DDHD1: variants seen among roughly 807,000 people sequenced by gnomAD.
DDHD1 encodes phospholipase DDHD1.
Under a neutral mutation model 96.4 loss-of-function variants are expected in DDHD1, and 49 were observed. The observed-to-expected ratio is 0.51, with a 90% CI of 0.40 to 0.64. The LOEUF is 0.64. Among genes scored for constraint, DDHD1 ranks in the 30% least tolerant of loss-of-function variants. The pLI, the probability that DDHD1 is intolerant of heterozygous loss-of-function variation, is 0.00. For missense variants in DDHD1, 1,106 were observed against 1,161.2 expected (o/e 0.95, Z 0.69); for synonymous variants, 442 against 446.5 (o/e 0.99, Z 0.13).
At chr14:53,109,078 C>T (rs752276072) in intron 1 of DDHD1, among the ~76,000 whole-genome samples, 6 of 152,118 alleles carry the variant, frequency 3.9e-5, no homozygotes, top group Admixed American at 2.6e-4. Context: ...CTATAATGGA[C>T]GGTGTTACGG....
chr14:53,045,911 C>G lies in DDHD1; in HGVS notation c.*857G>C, dbSNP rs183552532. On this transcript the variant is annotated 3_prime_UTR_variant, in exon 13 of 13. Coordinates refer to ENST00000673822, the MANE Select transcript of DDHD1 (RefSeq NM_001160148.2). ...AGCATTTACTAGTTTTCTAATAAAG[C>G]TAATGAAATGTACCCATTATGGAGT... 5.3e-5 allele frequency: 8 copies of G among 152,220 alleles called. No individual in the cohort carries two copies. The East Asian group carries it at 1.5e-3, about 29-fold the overall frequency. The allele number at this position is 152,220 out of a possible 1,614,324, so 9.4% of individuals were successfully genotyped here.
intron 1 of DDHD1, among the ~76,000 whole-genome samples, chr14:53,106,612 A>C (rs999577712): frequency 3.9e-5 from 6 of 152,234 alleles, no homozygotes; most frequent in Admixed American, 3.9e-4. Flanking sequence ...AGCCAAGATC[A>C]TGCCCCTGCA....
intron 1 of DDHD1, among the ~76,000 whole-genome samples, chr14:53,135,269 A>G (rs1016576402): frequency 2.0e-5 from 3 of 151,970 alleles, no homozygotes; most frequent in Non-Finnish European, 2.9e-5. Context: ...TGATCAATTG[A>G]CCTTATGACA....
chr14:53,131,909 A>C (rs1365457973), intron 1 of DDHD1, among the ~76,000 whole-genome samples: 1 of 152,110 alleles, frequency 6.6e-6, no homozygotes, highest in Non-Finnish European at 1.5e-5. Context: ...TCATGAAAAC[A>C]TGCATGCTCT....
In DDHD1 at chr14:53,103,801, C is replaced by T. The variant is rs1441856813; in HGVS notation, c.894G>A (p.Gln298=). 6.2e-7 allele frequency: 1 copy of T among 1,612,886 alleles called. No homozygotes were observed. Among genetic ancestry groups the T allele is most frequent in the Non-Finnish European group, 8.5e-7 (1 of 1,179,608 alleles). Residue 298 remains glutamine, a synonymous_variant, in exon 2 of 13, where the codon CAG becomes CAA. Transcript: ENST00000673822. ...RGQWFIDGTW[Q]PLEEEESNLI... ...AATTACTTTCTTCCTCTTCTAGAGG[C>T]TGCCAAGTGCCGTCAATAAACCACT...
Position 53,091,831 on chromosome 14 carries a change from T to C in DDHD1, c.1243A>G (p.Ile415Val). 1 of 1,613,800 alleles carries C rather than the reference T, an allele frequency of 6.2e-7. No homozygotes were observed. Among genetic ancestry groups the C allele is most frequent in the Non-Finnish European group, 8.5e-7 (1 of 1,179,850 alleles). The change falls in exon 4 of 13, where the codon ATT (isoleucine) becomes GTT (valine). Residue 415 changes from isoleucine to valine, a missense_variant. Ile to Val is a conservative substitution (Grantham distance 29). This residue lies in a region of DDHD1 where 650 missense variants were observed against 758.8 expected (regional missense o/e 0.86). Transcript: ENST00000673822. ...TTHIVFVVHG[I>V]GQKMDQGRII... ...CTTCCTTGGTCCATTTTCTGCCCAATGCCATGCACAACAAATACAATATGG... is the reference window on the plus strand; with the variant it reads ...CTTCCTTGGTCCATTTTCTGCCCAACGCCATGCACAACAAATACAATATGG...
chr14:53,153,139 C>G lies in DDHD1; in HGVS notation c.-41G>C, dbSNP rs1891593439. The G allele has an allele frequency of 7.4e-7, 1 of 1,353,528 alleles. No homozygotes were observed. Among genetic ancestry groups the G allele is most frequent in the Non-Finnish European group, 9.4e-7 (1 of 1,058,424 alleles). The allele number at this position is 1,353,528 out of a possible 1,614,324, so 83.8% of individuals were successfully genotyped here. On this transcript the variant is annotated 5_prime_UTR_variant, in exon 1 of 13. Transcript: ENST00000673822. ...CCGGCTGTCCGGCGGCGCGCGGAGC[C>G]GTGACCCCCAGCGCTTCCGCCACAC...
At chr14:53,070,547 A>T (rs1181076587) in intron 6 of DDHD1, among the ~76,000 whole-genome samples, 2 of 152,294 alleles carry the variant, frequency 1.3e-5, no homozygotes, top group African/African-American at 4.8e-5. Context: ...ATGGAATAGA[A>T]CTGTTTTTTC....
At chr14:53,122,027 CTG>C (rs1889034619) in intron 1 of DDHD1, among the ~76,000 whole-genome samples, 1 of 152,002 alleles carries the variant, frequency 6.6e-6, no homozygotes, top group African/African-American at 2.4e-5. Flanking sequence ...GAGCTGAACT[CTG>C]TAAATAGTTC....
rs1881977508 is a variant in DDHD1, at chr14:53,045,956, G to C, written c.*812C>G. 6.6e-6 allele frequency: 1 copy of C among 152,080 alleles called. No individual in the cohort carries two copies. Among genetic ancestry groups the C allele is most frequent in the Non-Finnish European group, 1.5e-5 (1 of 68,000 alleles). The allele number at this position is 152,080 out of a possible 1,614,324, so 9.4% of individuals were successfully genotyped here. A position where few individuals can be genotyped will look rare whatever the true frequency, so the allele number is the denominator to read the frequency against. ...TGGAGTACTCCGTGTCAAGTTTAGA[G>C]AAACTTTAGCTTTCTCTGAAGTACA... On this transcript the variant is annotated 3_prime_UTR_variant, in exon 13 of 13. Coordinates refer to ENST00000673822, the MANE Select transcript of DDHD1 (RefSeq NM_001160148.2).
At chr14:53,109,870 C>T (rs927108558) in intron 1 of DDHD1, among the ~76,000 whole-genome samples, 5 of 152,186 alleles carry the variant, frequency 3.3e-5, no homozygotes, top group African/African-American at 1.2e-4. Flanking sequence ...CTTTCTACTA[C>T]ATAATACAAC....
chr14:53,058,648 AAAGT>A, intron 8 of DDHD1, 22 bp from the exon 9 acceptor site: 1 of 1,572,424 alleles, frequency 6.4e-7, no homozygotes, highest in Non-Finnish European at 8.6e-7. Flanking sequence ...AAGTCATCTT[AAAGT>A]TTAAAAATGG....
At position 53,105,604 on chromosome 14, in the gene DDHD1, C is replaced by T. The variant is rs182043522; in HGVS notation, c.839-1748G>A. ...TACTTTGTTCAGCAAAATGGAAACT[C>T]CTGATTTCTTATTTTTTCCATTTGC... On this transcript the variant is annotated intron_variant, in intron 1 of 12. Coordinates refer to ENST00000673822, the MANE Select transcript of DDHD1 (RefSeq NM_001160148.2). Among the ~76,000 whole-genome samples the T allele has an allele frequency of 2.5e-3, 379 of 152,214 alleles. 2 individuals carry two copies. Among genetic ancestry groups the T allele is most frequent in the Non-Finnish European group, 3.8e-3 (257 of 67,986 alleles).
chr14:53,110,012 A>C (rs1887990723), intron 1 of DDHD1, among the ~76,000 whole-genome samples: 1 of 152,220 alleles, frequency 6.6e-6, no homozygotes, highest in Admixed American at 6.5e-5. Flanking sequence ...AAATTGAACA[A>C]AACAAAACAC....
intron 2 of DDHD1, among the ~76,000 whole-genome samples, chr14:53,097,401 CA>C (rs1886968810): frequency 6.6e-6 from 1 of 151,936 alleles, no homozygotes; most frequent in African/African-American, 2.4e-5. Flanking sequence ...TGTGCTACGT[CA>C]GGATTATAAC....
intron 12 of DDHD1, among the ~76,000 whole-genome samples, chr14:53,050,845 GATACTGGATAT>G (rs1283031077): frequency 6.6e-6 from 1 of 152,030 alleles, no homozygotes; most frequent in Non-Finnish European, 1.5e-5. Flanking sequence ...ATGGTTTTGA[GATACTGGATAT>G]ATGGGCTACT....
Position 53,046,943 on chromosome 14 carries a change from A to G in DDHD1, c.2528T>C (p.Leu843Ser). ...GAGTTCAAAATCAATCCTGTGATCC[A>G]ACTCCACTAAAAAGAAAAGAAGTTA... ...MQNKDNALVELDHRIDFELRE... is the reference protein window; with the variant it reads ...MQNKDNALVESDHRIDFELRE... The change falls in exon 13 of 13, where the codon TTG becomes TCG. Residue 843 changes from leucine to serine, a missense_variant. Coordinates refer to ENST00000673822, the MANE Select transcript of DDHD1 (RefSeq NM_001160148.2). 6.2e-7 allele frequency: 1 copy of G among 1,603,384 alleles called. No individual in the cohort carries two copies. Among genetic ancestry groups the G allele is most frequent in the Non-Finnish European group, 8.5e-7 (1 of 1,175,744 alleles).
intron 1 of DDHD1, among the ~76,000 whole-genome samples, chr14:53,137,663 C>T (rs1890334337): frequency 6.6e-6 from 1 of 151,764 alleles, no homozygotes; most frequent in Admixed American, 6.6e-5. Context: ...TCAAAATGTA[C>T]AGAGTTGTTA....
intron 1 of DDHD1, among the ~76,000 whole-genome samples, chr14:53,145,538 G>C (rs1890923247): frequency 7.4e-6 from 1 of 135,790 alleles, no homozygotes; most frequent in South Asian, 2.5e-4. Context: ...TTTTAACATA[G>C]TACAACTAGT....
Sources: allele counts gnomAD v4.1 joint callset (sites outside exome capture counted in the v4.1 genomes callset), GRCh38; gene constraint gnomAD v4.1.1; regional missense constraint gnomAD v4.1.1; transcripts MANE v1.5; gene names NCBI Gene and HGNC (gene_info 2026-07-23, HGNC 2026-07-21).